The following MRTFA variants were observed in gnomAD, a reference collection of about 807,000 sequenced individuals.
MRTFA encodes the protein myocardin-related transcription factor A.
Under a neutral mutation model 83.5 loss-of-function variants are expected in MRTFA, and 20 were observed. The ratio of observed to expected loss-of-function variants is 0.24; its 90% confidence interval spans 0.17 to 0.35. The LOEUF (loss-of-function observed/expected upper bound fraction) is 0.35, where lower values mean the gene tolerates loss of function less well. Ranked by LOEUF, MRTFA falls within the 10% of genes least tolerant of loss-of-function variation. The pLI is 1.00. For synonymous variants in MRTFA, 659 were observed against 541.2 expected, an observed-to-expected ratio of 1.22 and a Z score of -3.02; for missense variants, 1,200 against 1,224.7, an observed-to-expected ratio of 0.98 and a Z score of 0.30.
chr22:40,575,129 C>T (rs1038682879), intron 2 of MRTFA, among the ~76,000 whole-genome samples: 1 of 152,152 alleles, frequency 6.6e-6, no homozygotes. Flanking sequence ...CCTAAGTTTC[C>T]TGTGGTATAA....
At chr22:40,435,921 C>T (rs1354310557) in intron 4 of MRTFA, among the ~76,000 whole-genome samples, 1 of 142,806 alleles carries the variant, frequency 7.0e-6, no homozygotes, top group Non-Finnish European at 1.5e-5. Context: ...GGCAACAGAG[C>T]GAGAAACCGT....
chr22:40,535,348 C>CTTTTT lies in MRTFA; in HGVS notation c.241+16753_241+16757dup, dbSNP rs531303160. ...TAATTTGCTGTGTGAGAGGTTTTTT[C>CTTTTT]TTTTTTTTTTTTTTTTTCTTTTTGA... On this transcript the variant is annotated intron_variant, in intron 3 of 14. Transcript: ENST00000355630. Among the ~76,000 whole-genome samples, 235 of 107,116 alleles carry CTTTTT rather than the reference C, an allele frequency of 2.2e-3. 20 individuals carry two copies. The highest frequency in any genetic ancestry group is 3.6e-3 in the Admixed American group (29 of 8,050). The allele number at this position is 107,116 out of a possible 152,430, so 70.3% of individuals were successfully genotyped here.
At chr22:40,414,280 T>C (rs922412784) in intron 14 of MRTFA, among the ~76,000 whole-genome samples, 5 of 152,020 alleles carry the variant, frequency 3.3e-5, no homozygotes, top group African/African-American at 7.3e-5. Flanking sequence ...GAGGCAGAGG[T>C]TGCAGTGAGC....
At chr22:40,530,024 T>A (rs986749512) in intron 3 of MRTFA, among the ~76,000 whole-genome samples, 1 of 152,126 alleles carries the variant, frequency 6.6e-6, no homozygotes, top group Non-Finnish European at 1.5e-5. Flanking sequence ...CTCATTAAGA[T>A]CAGATTTATG....
At chr22:40,474,640 G>A (rs142347531) in intron 3 of MRTFA, among the ~76,000 whole-genome samples, 1 of 149,622 alleles carries the variant, frequency 6.7e-6, no homozygotes, top group East Asian at 2.0e-4. Context: ...AGGGCCTACT[G>A]TATGCCAGAT....
chr22:40,420,525 G>A lies in MRTFA; in HGVS notation c.1233C>T (p.Leu411=). The change falls in exon 11 of 15, where the codon CTC becomes CTT. Residue 411 remains leucine, a synonymous_variant. Transcript: ENST00000355630. ...AGCTGGAGCTGCTATTGGTAGTGGA[G>A]AGGCTGCGTACTGGGGGGGTCCCGC... 3.7e-6 allele frequency: 6 copies of A among 1,613,806 alleles called. No individual in the cohort carries two copies. Among genetic ancestry groups the A allele is most frequent in the Non-Finnish European group, 4.2e-6 (5 of 1,180,032 alleles).
chr22:40,572,755 G>C (rs1898679006), intron 2 of MRTFA, among the ~76,000 whole-genome samples: 1 of 152,208 alleles, frequency 6.6e-6, no homozygotes, highest in South Asian at 2.1e-4. Context: ...AGCAGGCAAA[G>C]AGAGAGCTTG....
chr22:40,491,049 G>C (rs563034150), intron 3 of MRTFA, among the ~76,000 whole-genome samples: 3 of 152,130 alleles, frequency 2.0e-5, no homozygotes, highest in Admixed American at 1.3e-4. Context: ...TGCAGTATAA[G>C]ACTATGAAAG....
intron 3 of MRTFA, among the ~76,000 whole-genome samples, chr22:40,499,106 G>T (rs2054411605): frequency 6.6e-6 from 1 of 152,156 alleles, no homozygotes; most frequent in African/African-American, 2.4e-5. Context: ...GTATAAAAAT[G>T]ATCTGTTTAA....
At chr22:40,422,406 G>C (rs937533157) in intron 9 of MRTFA, among the ~76,000 whole-genome samples, 8 of 152,208 alleles carry the variant, frequency 5.3e-5, no homozygotes, top group African/African-American at 1.9e-4. Context: ...GGCAACAGGA[G>C]TGTGAGGAGA....
At chr22:40,539,022 T>C (rs903827221) in intron 3 of MRTFA, among the ~76,000 whole-genome samples, 1 of 134,556 alleles carries the variant, frequency 7.4e-6, no homozygotes, top group African/African-American at 2.9e-5. Context: ...TGAGACAAAG[T>C]CTCACTCTGC....
Position 40,470,263 on chromosome 22 carries a change from AT to A in MRTFA, c.242-6978del, listed in dbSNP as rs1298296006. 1.7e-5 allele frequency among the ~76,000 whole-genome samples: 2 copies of A among 117,354 alleles called. 1 individual carries two copies. Among genetic ancestry groups the A allele is most frequent in the East Asian group, 5.1e-4 (2 of 3,944 alleles). The allele number at this position is 117,354 out of a possible 152,430, so 77.0% of individuals were successfully genotyped here. A position where few individuals can be genotyped will look rare whatever the true frequency, so the allele number is the denominator to read the frequency against. On this transcript the variant is annotated intron_variant, in intron 3 of 14. Coordinates refer to ENST00000355630, the MANE Select transcript of MRTFA (RefSeq NM_020831.6). ...TATATATATATATATATATATATAT[AT>A]ATATATATATATATATAAAGAAACA... is the stretch of plus-strand genomic sequence containing the variant.
intron 1 of MRTFA, among the ~76,000 whole-genome samples, chr22:40,626,456 TTATTTTTTG>T (rs898162169): frequency 1.3e-5 from 2 of 152,060 alleles, no homozygotes; most frequent in African/African-American, 2.4e-5. Context: ...CCGCGCCCGG[TTATTTTTTG>T]TATTTTTTGT....
chr22:40,415,658 C>T (rs1438683527), intron 14 of MRTFA, among the ~76,000 whole-genome samples: 1 of 152,078 alleles, frequency 6.6e-6, no homozygotes, highest in Non-Finnish European at 1.5e-5. Flanking sequence ...TCTTCTACTC[C>T]CAGCTGGGTC....
At chr22:40,625,387 A>T (rs1459259797) in intron 1 of MRTFA, among the ~76,000 whole-genome samples, 1 of 151,946 alleles carries the variant, frequency 6.6e-6, no homozygotes, top group East Asian at 1.9e-4. Context: ...AAGCCAAGGC[A>T]GGTAGACTGC....
chr22:40,426,831 T>C (rs2052964210), intron 7 of MRTFA, among the ~76,000 whole-genome samples: 1 of 152,118 alleles, frequency 6.6e-6, no homozygotes, highest in Non-Finnish European at 1.5e-5. Context: ...CTAGAATGAG[T>C]GTTATTGCTG....
At chr22:40,470,275 A>G (rs866272386) in intron 3 of MRTFA, among the ~76,000 whole-genome samples, 12 of 120,396 alleles carry the variant, frequency 1.0e-4, no homozygotes, top group African/African-American at 3.5e-4. Flanking sequence ...ATATATATAT[A>G]TATATAAAGA....
intron 4 of MRTFA, among the ~76,000 whole-genome samples, chr22:40,458,791 A>T (rs2053641529): frequency 6.6e-6 from 1 of 152,160 alleles, no homozygotes; most frequent in African/African-American, 2.4e-5. Flanking sequence ...GAAACACCTC[A>T]GGCTGGCCGG....
At chr22:40,522,522 G>A (rs576956525) in intron 3 of MRTFA, 4 of 152,424 alleles carry the variant, frequency 2.6e-5, no homozygotes, top group Admixed American at 2.6e-4. Flanking sequence ...AATTGTGCAG[G>A]ATGGTTGTTT....
Sources: gnomAD v4.1 joint callset for allele counts (sites outside exome capture counted in the v4.1 genomes callset) on GRCh38, gnomAD v4.1.1 for gene constraint, MANE v1.5 for transcripts, NCBI Gene and HGNC (gene_info 2026-07-23, HGNC 2026-07-21) for gene names.